SPECC1: variants seen among roughly 807,000 people sequenced by gnomAD.
SPECC1 encodes cytospin-B.
Under a neutral mutation model 104.1 loss-of-function variants are expected in SPECC1, and 62 were observed. That is an observed-to-expected ratio of 0.60 (90% CI 0.49 to 0.74). SPECC1 has a LOEUF of 0.74. Ranked by LOEUF, SPECC1 falls within the 30% of genes least tolerant of loss-of-function variation. SPECC1 has a pLI of 0.00. For synonymous variants in SPECC1, 513 were observed against 501.6 expected (o/e 1.02, Z -0.30); for missense variants, 1,306 against 1,310.5 (o/e 1.00, Z 0.05).
chr17:20,025,461 A>G (rs1349957364), intron 1 of SPECC1, among the ~76,000 whole-genome samples: 1 of 152,218 alleles, frequency 6.6e-6, no homozygotes, highest in East Asian at 1.9e-4. Flanking sequence ...GCATGGAATC[A>G]TAATCTGTGG....
At chr17:20,237,244 T>C in intron 7 of SPECC1, 2 of 1,228,402 alleles carry the variant, frequency 1.6e-6, no homozygotes, top group Non-Finnish European at 2.1e-6. Flanking sequence ...GCAGAGCAGA[T>C]GCAGAGCTGG....
chr17:20,170,715 ATT>A (rs1170889614), intron 3 of SPECC1, among the ~76,000 whole-genome samples: 1 of 151,538 alleles, frequency 6.6e-6, no homozygotes, highest in Non-Finnish European at 1.5e-5. Flanking sequence ...CTTCAGAAAA[ATT>A]TTTCTTTTTT....
chr17:20,312,290 A>G (rs867098735), intron 14 of SPECC1, among the ~76,000 whole-genome samples: 68 of 152,352 alleles, frequency 4.5e-4, no homozygotes, highest in African/African-American at 1.6e-3. Flanking sequence ...GTCATGCACT[A>G]TAAGATTGTT....
intron 1 of SPECC1, among the ~76,000 whole-genome samples, chr17:20,018,987 C>G (rs944651455): frequency 6.6e-6 from 1 of 152,142 alleles, no homozygotes; most frequent in African/African-American, 2.4e-5. Context: ...CACAGTGAGT[C>G]CCTCTTTCCA....
chr17:20,253,784 G>A (rs536556630), intron 10 of SPECC1, among the ~76,000 whole-genome samples, 198 bp downstream of exon 10: 1 of 152,112 alleles, frequency 6.6e-6, no homozygotes, highest in Admixed American at 6.6e-5. Flanking sequence ...TCTCCTGCCA[G>A]CTGCACTTCT....
intron 11 of SPECC1, among the ~76,000 whole-genome samples, chr17:20,259,089 A>G (rs2039936865): frequency 6.6e-6 from 1 of 152,246 alleles, no homozygotes; most frequent in Non-Finnish European, 1.5e-5. Flanking sequence ...AAATCTTATA[A>G]TCACAAATAT....
chr17:20,254,315 G>A (rs28373986), intron 10 of SPECC1, among the ~76,000 whole-genome samples: 10 of 152,102 alleles, frequency 6.6e-5, no homozygotes, highest in African/African-American at 1.9e-4. Flanking sequence ...CCTCAAGAAG[G>A]GACACGTGGG....
intron 1 of SPECC1, among the ~76,000 whole-genome samples, chr17:20,021,509 T>C (rs1567797266): frequency 6.6e-6 from 1 of 151,822 alleles, no homozygotes; most frequent in Non-Finnish European, 1.5e-5. Flanking sequence ...TATGGACTTG[T>C]GTGAGAATTC....
intron 12 of SPECC1, among the ~76,000 whole-genome samples, chr17:20,280,865 A>G (rs1304907596): frequency 6.6e-6 from 1 of 152,230 alleles, no homozygotes; most frequent in East Asian, 1.9e-4. Context: ...GCATCATTGG[A>G]AGAACGGGTT....
intron 1 of SPECC1, among the ~76,000 whole-genome samples, chr17:20,063,330 T>C (rs1180753491): frequency 6.6e-6 from 1 of 152,224 alleles, no homozygotes; most frequent in Non-Finnish European, 1.5e-5. Flanking sequence ...TATGTTTTCC[T>C]AGAAAATGAT....
chr17:20,296,027 A>G (rs992125811), intron 12 of SPECC1, among the ~76,000 whole-genome samples: 3 of 152,208 alleles, frequency 2.0e-5, no homozygotes, highest in African/African-American at 7.2e-5. Context: ...TAGTTTAATT[A>G]GATCTCATTT....
intron 1 of SPECC1, chr17:20,017,057 G>C (rs9902663): frequency 0.069 from 10,524 of 152,268 alleles, 989 homozygotes; most frequent in African/African-American, 0.21. Context: ...GTAAAATGGA[G>C]CAGTCGGCTC....
chr17:20,024,092 T>TAGTA (rs1441542355), intron 1 of SPECC1, among the ~76,000 whole-genome samples: 2 of 152,208 alleles, frequency 1.3e-5, no homozygotes, highest in African/African-American at 4.8e-5. Context: ...GGACATATGT[T>TAGTA]AGTTTAATAC....
At chr17:20,186,653 TC>T (rs899820500) in intron 3 of SPECC1, among the ~76,000 whole-genome samples, 3 of 152,210 alleles carry the variant, frequency 2.0e-5, no homozygotes, top group Non-Finnish European at 2.9e-5. Flanking sequence ...AGCCTTGACT[TC>T]CCAGGCTCAG....
chr17:20,309,451 A>AT (rs2041865196), intron 14 of SPECC1, among the ~76,000 whole-genome samples: 1 of 152,174 alleles, frequency 6.6e-6, no homozygotes, highest in Admixed American at 6.5e-5. Context: ...GGTTTGTTAC[A>AT]TGGGTACACT....
At chr17:20,212,332 T>G (rs1373484361) in intron 4 of SPECC1, among the ~76,000 whole-genome samples, 1 of 152,162 alleles carries the variant, frequency 6.6e-6, no homozygotes, top group African/African-American at 2.4e-5. Flanking sequence ...ACTTTCTTAC[T>G]CATTGAATTA....
At chr17:20,060,501 A>T (rs2046145468) in intron 1 of SPECC1, among the ~76,000 whole-genome samples, 1 of 151,266 alleles carries the variant, frequency 6.6e-6, no homozygotes, top group Admixed American at 6.6e-5. Flanking sequence ...AAAAAAATTT[A>T]AAAAGAAACC....
chr17:20,051,740 C>T (rs751248834), intron 1 of SPECC1, among the ~76,000 whole-genome samples: 1 of 151,922 alleles, frequency 6.6e-6, no homozygotes, highest in Non-Finnish European at 1.5e-5. Flanking sequence ...AATAAGTTGT[C>T]AGGATGTGAT....
At position 20,298,753 on chromosome 17, in the gene SPECC1, G is replaced by C. The variant is rs923271557; in HGVS notation, c.3057+1676G>C. On this transcript the variant is annotated intron_variant, in intron 13 of 14. Transcript: ENST00000395527. ...TGACGCCCTGGTGTCTAGTTTGAAA[G>C]GGCCATTTTCTGAGATGGGGAGGGC... Among the ~76,000 whole-genome samples, 3 of 152,160 alleles carry C rather than the reference G, an allele frequency of 2.0e-5. 1 individual carries two copies. Among genetic ancestry groups the C allele is most frequent in the South Asian group, 2.1e-4 (1 of 4,812 alleles).
Sources: gnomAD v4.1 joint callset for allele counts (sites outside exome capture counted in the v4.1 genomes callset) on GRCh38, gnomAD v4.1.1 for gene constraint, MANE v1.5 for transcripts, NCBI Gene and HGNC (gene_info 2026-07-23, HGNC 2026-07-21) for gene names.